Variants in RP1 observed in about 807,000 individuals in gnomAD.
RP1 encodes RP1 axonemal microtubule associated.
A neutral mutation model predicts 14.8 loss-of-function variants in RP1; 16 were observed. The observed-to-expected ratio is 1.08, with a 90% CI of 0.73 to 1.65. RP1 has a LOEUF of 1.65. Ranked by LOEUF, RP1 falls within the 40% of genes most tolerant of loss-of-function variation. The pLI, the probability that RP1 is intolerant of heterozygous loss-of-function variation, is 0.00. For missense variants in RP1, 2,631 were observed against 2,535.0 expected (o/e 1.04, Z -0.81); for synonymous variants, 876 against 883.6 (o/e 0.99, Z 0.15).
intron 1 of RP1, among the ~76,000 whole-genome samples, chr8:54,592,007 T>G (rs149046999): frequency 1.6e-3 from 251 of 152,252 alleles, no homozygotes; most frequent in African/African-American, 5.8e-3. Flanking sequence ...GTGGGGGAAA[T>G]AGTCTCTACT....
intron 24 of RP1, among the ~76,000 whole-genome samples, chr8:54,823,135 G>A (rs142919028): frequency 3.9e-5 from 6 of 152,164 alleles, no homozygotes; most frequent in South Asian, 2.1e-4. Flanking sequence ...CTGCAATGAA[G>A]ATCTGGAACT....
At chr8:54,660,746 A>G (rs958420911) in intron 6 of RP1, among the ~76,000 whole-genome samples, 2 of 152,084 alleles carry the variant, frequency 1.3e-5, no homozygotes, top group Admixed American at 6.6e-5. Flanking sequence ...CTGATGCCCT[A>G]TGGGTACTTT....
chr8:54,679,641 T>C lies in RP1; in HGVS notation c.1587+14T>C, dbSNP rs370681156. The C allele has an allele frequency of 6.6e-5, 101 of 1,535,842 alleles. No individual in the cohort carries two copies. The South Asian group carries it at 1.2e-3, about 18-fold the overall frequency. On this transcript the variant is annotated intron_variant, in intron 11 of 22. Coordinates refer to the RP1 transcript ENST00000636932. ...AGAAAAGAAACAGTAAGATTTTGTT[T>C]GGGCTTTAGATTATCTCATATAAAC...
At chr8:54,755,435 T>A (rs1322974325) in intron 20 of RP1, among the ~76,000 whole-genome samples, 1 of 152,220 alleles carries the variant, frequency 6.6e-6, no homozygotes, top group Non-Finnish European at 1.5e-5. Context: ...AATGCCCATG[T>A]ATGATTAAAA....
At chr8:54,853,857 AG>A (rs1176913371) in intron 26 of RP1, among the ~76,000 whole-genome samples, 2 of 148,500 alleles carry the variant, frequency 1.3e-5, no homozygotes. Flanking sequence ...AGAAAGGAAG[AG>A]AAAGAAAGAA....
intron 24 of RP1, among the ~76,000 whole-genome samples, chr8:54,805,715 T>C (rs542779427): frequency 6.7e-6 from 1 of 149,010 alleles, no homozygotes; most frequent in African/African-American, 2.5e-5. Context: ...TCCATTTCTC[T>C]AGTTTTTTTT....
At chr8:54,754,163 C>A (rs1809442541) in intron 19 of RP1, among the ~76,000 whole-genome samples, 1 of 152,050 alleles carries the variant, frequency 6.6e-6, no homozygotes, top group South Asian at 2.1e-4. Context: ...GGAAGGGCAG[C>A]TGCCTGCATG....
chr8:54,775,119 C>A (rs1468898577), intron 23 of RP1, among the ~76,000 whole-genome samples: 1 of 151,738 alleles, frequency 6.6e-6, no homozygotes, highest in Admixed American at 6.6e-5. Flanking sequence ...CTCCAAGGGG[C>A]AAACTCACCC....
intron 1 of RP1, among the ~76,000 whole-genome samples, chr8:54,616,495 A>G (rs974062388): frequency 3.0e-4 from 45 of 152,374 alleles, no homozygotes; most frequent in African/African-American, 1.1e-3. Context: ...TACTTCTTAT[A>G]GACATCTAGG....
chr8:54,720,179 T>A (rs1473280832), exon 16 of RP1: 1 of 1,535,678 alleles, frequency 6.5e-7, no homozygotes, highest in Admixed American at 2.0e-5. Context: ...ACTTGAAGAA[T>A]GCATCCATAA....
chr8:54,795,303 T>C (rs76900484), intron 24 of RP1, among the ~76,000 whole-genome samples: 1,615 of 152,154 alleles, frequency 0.011, 29 homozygotes, highest in African/African-American at 0.037. Flanking sequence ...GTGTCATTCA[T>C]AATAGCCAAG....
At chr8:54,604,007 T>C (rs983455799) in intron 1 of RP1, among the ~76,000 whole-genome samples, 1 of 152,190 alleles carries the variant, frequency 6.6e-6, no homozygotes, top group Non-Finnish European at 1.5e-5. Flanking sequence ...ACTTCCTCTT[T>C]TCCTACTTGA....
In RP1 at chr8:54,837,617, C is replaced by T. The variant is rs888515888; in HGVS notation, c.3783C>T (p.Gly1261=). The T allele has an allele frequency of 2.0e-5, 25 of 1,231,692 alleles. No homozygotes were observed. Among genetic ancestry groups the T allele is most frequent in the Admixed American group, 1.3e-4 (3 of 23,676 alleles). The allele number at this position is 1,231,692 out of a possible 1,614,324, so 76.3% of individuals were successfully genotyped here. Reference sequence around the variant, plus strand: ...GGATAGCTGAGAATGAAAATGATGGCGATCTATGGAAGGAAATACCCATCA... The same window carrying T: ...GGATAGCTGAGAATGAAAATGATGGTGATCTATGGAAGGAAATACCCATCA... The change falls in exon 25 of 29, where the codon GGC becomes GGT. Residue 1261 remains glycine (G), a synonymous_variant. Transcript: ENST00000637698.
chr8:54,849,422 TC>T (rs1812007714), intron 25 of RP1, among the ~76,000 whole-genome samples: 1 of 151,946 alleles, frequency 6.6e-6, no homozygotes, highest in Non-Finnish European at 1.5e-5. Context: ...AATCCTATCA[TC>T]CCCCTTCCCC....
At chr8:54,604,333 A>G (rs1160099103) in intron 1 of RP1, among the ~76,000 whole-genome samples, 1 of 152,064 alleles carries the variant, frequency 6.6e-6, no homozygotes, top group Non-Finnish European at 1.5e-5. Flanking sequence ...TATATGCTGG[A>G]TTACGTTTAT....
chr8:54,757,108 T>C (rs1161831856), intron 21 of RP1, among the ~76,000 whole-genome samples: 1 of 152,212 alleles, frequency 6.6e-6, no homozygotes, highest in Non-Finnish European at 1.5e-5. Flanking sequence ...GTGCTTGGGA[T>C]ATAATGGAAA....
rs1334715730 is a variant in RP1, at chr8:54,625,888, C to T, written c.2006C>T (p.Ala669Val). 6.2e-7 allele frequency: 1 copy of T among 1,613,724 alleles called. No homozygotes were observed. Among genetic ancestry groups the T allele is most frequent in the Non-Finnish European group, 8.5e-7 (1 of 1,179,920 alleles). ...KNEKKILSSV[A>V]SKKKKKSRQQ... ...GAAAAGAAGATTTTGTCATCTGTTG[C>T]CAGCAAAAAGAAGAAAAAATCTCGA... The change falls in exon 4 of 4, where the codon GCC (alanine) becomes GTC (valine). Residue 669 changes from alanine to valine, a missense_variant. By Grantham distance (64) the Ala-to-Val change is moderately conservative. Coordinates refer to ENST00000220676, the MANE Select transcript of RP1 (RefSeq NM_006269.2).
chr8:54,565,355 A>G (rs1475179924), intron 1 of RP1, among the ~76,000 whole-genome samples: 1 of 152,172 alleles, frequency 6.6e-6, no homozygotes, highest in African/African-American at 2.4e-5. Context: ...AACTGAGGTC[A>G]GGAGTTCGAG....
At chr8:54,862,757 G>A (rs1251420517) in intron 27 of RP1, among the ~76,000 whole-genome samples, 1 of 152,036 alleles carries the variant, frequency 6.6e-6, no homozygotes, top group Admixed American at 6.6e-5. Flanking sequence ...GATGGCAGCT[G>A]CGCATATGAC....
Sources: allele counts gnomAD v4.1 joint callset (sites outside exome capture counted in the v4.1 genomes callset), GRCh38; gene constraint gnomAD v4.1.1; transcripts MANE v1.5; gene names NCBI Gene and HGNC (gene_info 2026-07-23, HGNC 2026-07-21).